PDHA1: variants seen among roughly 807,000 people sequenced by gnomAD.
PDHA1 encodes pyruvate dehydrogenase E1 subunit alpha 1, also known as pyruvate dehydrogenase E1 component subunit alpha, somatic form, mitochondrial.
A neutral mutation model predicts 33.0 loss-of-function variants in PDHA1; 1 was observed. The observed-to-expected ratio is 0.03, with a 90% confidence interval of 0.01 to 0.14. The LOEUF (loss-of-function observed/expected upper bound fraction) is 0.14, where lower values mean the gene tolerates loss of function less well. PDHA1 is among the 10% of genes least tolerant of loss of function. PDHA1 has a pLI of 1.00. For synonymous variants in PDHA1, 123 were observed against 119.2 expected, an observed-to-expected ratio of 1.03 and a Z score of -0.21; for missense variants, 168 against 325.1, an observed-to-expected ratio of 0.52 and a Z score of 3.72.
At chrX:19,351,484 G>C in intron 4 of PDHA1, 77 bp downstream of exon 4, 1 of 879,865 alleles carries the variant, frequency 1.1e-6, no homozygotes. Flanking sequence ...GCTATTATGA[G>C]TTAATATTTG....
At chrX:19,353,988 G>A (rs973538449) in intron 5 of PDHA1, among the ~76,000 whole-genome samples, 5 of 110,532 alleles carry the variant, frequency 4.5e-5, no homozygotes, top group Admixed American at 2.9e-4. Flanking sequence ...TTGCTCAGCC[G>A]CCCAGGCTGG....
rs1404016169 is a variant in PDHA1 at position 19,360,814 on chromosome X, G to A, written c.*1161G>A. On this transcript the variant is annotated 3_prime_UTR_variant, in exon 11 of 11. Coordinates refer to ENST00000422285, the MANE Select transcript of PDHA1 (RefSeq NM_000284.4). The stretch of plus-strand genomic sequence containing the variant: ...CTGTACTGGGAGACCGCACTCCAGA[G>A]TCTGCAGAGGAGACCACCCCTGGGA... 4.7e-5 allele frequency: 56 copies of A among 1,203,524 alleles called. No homozygotes were observed. Among genetic ancestry groups the A allele is most frequent in the Admixed American group, 6.8e-5 (3 of 44,405 alleles).
rs375095104 is a variant in PDHA1 at position 19,361,624 on chromosome X, G to T, written c.*1971G>T. 23 of 1,011,655 alleles carry T rather than the reference G, an allele frequency of 2.3e-5. No homozygotes were observed. Among genetic ancestry groups the T allele is most frequent in the Non-Finnish European group, 3.2e-5 (23 of 724,774 alleles). The allele number at this position is 1,011,655 out of a possible 1,213,427, so 83.4% of individuals were successfully genotyped here. ...ACGATTGGCAATTTGTTATATATTA[G>T]TCTAACCATAAAACTCTTCAAAAGT... is the stretch of plus-strand genomic sequence containing the variant. On this transcript the variant is annotated 3_prime_UTR_variant, in exon 11 of 11. Transcript: ENST00000422285.
Position 19,361,317 on chromosome X carries a change from CA to C in PDHA1, c.*1667del, listed in dbSNP as rs869305616. 8.6e-7 allele frequency: 1 copy of C among 1,161,482 alleles called. No individual in the cohort carries two copies. Among genetic ancestry groups the C allele is most frequent in the Non-Finnish European group, 1.2e-6 (1 of 854,730 alleles). On this transcript the variant is annotated 3_prime_UTR_variant, in exon 11 of 11. Coordinates refer to ENST00000422285, the MANE Select transcript of PDHA1 (RefSeq NM_000284.4). ...ACATAAAAAGTTGTATTCTCTTATA[CA>C]AACTGTTTTGAGGCTCTTACCGTAG...
intron 5 of PDHA1, among the ~76,000 whole-genome samples, chrX:19,353,588 T>C (rs763873165): frequency 1.8e-5 from 2 of 111,704 alleles, no homozygotes; most frequent in Admixed American, 9.5e-5. Flanking sequence ...TCTGAGAATA[T>C]ATCCCTGTTG....
chrX:19,345,566 G>A (rs898980073), intron 1 of PDHA1, among the ~76,000 whole-genome samples: 12 of 54,413 alleles, frequency 2.2e-4, no homozygotes, highest in African/African-American at 3.3e-4. Context: ...GCAAGACTCC[G>A]TATTTTAAAA....
intron 1 of PDHA1, among the ~76,000 whole-genome samples, chrX:19,348,465 T>A (rs1413294736): frequency 8.9e-6 from 1 of 112,876 alleles, no homozygotes; most frequent in African/African-American, 3.2e-5. Context: ...GTGCTAAGTA[T>A]CTTTTCTTTT....
Position 19,361,190 on chromosome X carries a change from G to T in PDHA1, c.*1537G>T. ...ATTTCTGACTTCTGCCTGGCTTTCA[G>T]TTTCTGCCCCACCTTGGCTTTTTCC... On this transcript the variant is annotated 3_prime_UTR_variant, in exon 11 of 11. Transcript: ENST00000422285. 2.1e-6 allele frequency: 1 copy of T among 470,612 alleles called. No individual in the cohort carries two copies. Among genetic ancestry groups the T allele is most frequent in the Non-Finnish European group, 3.6e-6 (1 of 279,003 alleles). 38.8% of individuals were successfully genotyped at this position (470,612 alleles called of 1,213,427 possible).
At chrX:19,355,850 C>A (rs1229015846) in intron 8 of PDHA1, 93 bp downstream of exon 8, 1 of 657,759 alleles carries the variant, frequency 1.5e-6, no homozygotes, top group African/African-American at 2.2e-5. Context: ...TAGTGGGTAC[C>A]TGCTAATTGA....
chrX:19,358,546 G>A (rs2063223169), intron 9 of PDHA1, among the ~76,000 whole-genome samples: 1 of 111,434 alleles, frequency 9.0e-6, no homozygotes, highest in African/African-American at 3.3e-5. Context: ...GTAGTATACA[G>A]GAGCCCAAAT....
In PDHA1 at chrX:19,351,305, G is replaced by A; in HGVS notation, c.316G>A (p.Ala106Thr). 1 of 1,205,904 alleles carries A rather than the reference G, an allele frequency of 8.3e-7. No homozygotes were observed. The highest frequency in any genetic ancestry group is 1.1e-6 in the Non-Finnish European group (1 of 890,187). ...GGAAGCTTGCTGTGTGGGCCTGGAG[G>A]CCGGCATCAACCCCACAGACCATCT... ...GQEACCVGLE[A>T]GINPTDHLIT... Residue 106 changes from alanine (A) to threonine (T), a missense_variant, in exon 4 of 11, where the codon GCC (alanine) becomes ACC (threonine). Physicochemically the swap from Ala to Thr is moderately conservative, Grantham distance 58 (BLOSUM62 0). Around this residue, in one of 5 missense-constraint regions of PDHA1, gnomAD observed 35 missense variants for 148.5 expected, o/e 0.24. Coordinates refer to ENST00000422285, the MANE Select transcript of PDHA1 (RefSeq NM_000284.4).
intron 1 of PDHA1, 84 bp downstream of exon 1, chrX:19,344,178 C>A: frequency 1.1e-6 from 1 of 889,923 alleles, no homozygotes; most frequent in Non-Finnish European, 1.6e-6. Context: ...GCCGGGCCAC[C>A]CAGAGCGGGG....
At position 19,344,013 on chromosome X, in the gene PDHA1, C is replaced by T. The variant is rs2063113983; in HGVS notation, c.-25C>T. On this transcript the variant is annotated 5_prime_UTR_variant, in exon 1 of 11. Coordinates refer to ENST00000422285, the MANE Select transcript of PDHA1 (RefSeq NM_000284.4). ...GTGCCTCCTGGGTTGTGAGGAGTCG[C>T]CGCTGCCGCCACTGCCTGTGCTTCA... is the stretch of plus-strand genomic sequence containing the variant. 2 of 1,204,312 alleles carry T rather than the reference C, an allele frequency of 1.7e-6. No homozygotes were observed. Among genetic ancestry groups the T allele is most frequent in the Non-Finnish European group, 2.2e-6 (2 of 891,182 alleles).
Position 19,359,649 on chromosome X carries a change from G to C in PDHA1, c.1169G>C (p.Ser390Thr). 8.3e-7 allele frequency: 1 copy of C among 1,208,127 alleles called. No individual in the cohort carries two copies. ...ANQWIKFKSVS is the reference protein window; with the variant it reads ...ANQWIKFKSVT Reference sequence around the variant, plus strand: ...CAGTGGATCAAGTTTAAGTCAGTCAGTTAAGGGGAGGAGAAGGAGAGGTTA... The same window carrying C: ...CAGTGGATCAAGTTTAAGTCAGTCACTTAAGGGGAGGAGAAGGAGAGGTTA... Residue 390 changes from serine to threonine, a missense_variant, in exon 11 of 11, where the codon AGT (serine) becomes ACT (threonine). Coordinates refer to ENST00000422285, the MANE Select transcript of PDHA1 (RefSeq NM_000284.4).
At position 19,360,608 on chromosome X, in the gene PDHA1, TA is replaced by T. The variant is rs1231424477; in HGVS notation, c.*959del. On this transcript the variant is annotated 3_prime_UTR_variant, in exon 11 of 11. Coordinates refer to ENST00000422285, the MANE Select transcript of PDHA1 (RefSeq NM_000284.4). ...TTCAAAAGAAACTCAGGACAGTATT[TA>T]AAACAAGTTCTTAAACTATTAATTG... 4.2e-6 allele frequency: 2 copies of T among 473,948 alleles called. No homozygotes were observed. The highest frequency in any genetic ancestry group is 4.0e-5 in the Admixed American group (1 of 25,283). 39.1% of individuals were successfully genotyped at this position (473,948 alleles called of 1,213,427 possible).
In PDHA1 at chrX:19,360,081, C is replaced by G. The variant is rs983752668; in HGVS notation, c.*428C>G. The G allele has an allele frequency of 5.4e-6, 1 of 183,856 alleles. No individual in the cohort carries two copies. Among genetic ancestry groups the G allele is most frequent in the Middle Eastern group, 2.1e-3 (1 of 482 alleles). 15.2% of individuals were successfully genotyped at this position (183,856 alleles called of 1,213,427 possible). A position where few individuals can be genotyped will look rare whatever the true frequency, so the allele number is the denominator to read the frequency against. ...CTCTACAAGATACAATATTTATTATCAGGCAAGAGGACAGTTCCATTTTAA... is the reference window on the plus strand; with the variant it reads ...CTCTACAAGATACAATATTTATTATGAGGCAAGAGGACAGTTCCATTTTAA... On this transcript the variant is annotated 3_prime_UTR_variant, in exon 11 of 11. Transcript: ENST00000422285.
chrX:19,346,627 G>GGGA, intron 1 of PDHA1: 1 of 953,199 alleles, frequency 1.0e-6, no homozygotes, highest in Non-Finnish European at 1.3e-6. Context: ...CAGGCAGGTA[G>GGGA]GGAGATTTAT....
chrX:19,359,674 A>G lies in PDHA1; in HGVS notation c.*21A>G, dbSNP rs2063249650. The G allele has an allele frequency of 8.5e-7, 1 of 1,181,656 alleles. No individual in the cohort carries two copies. Among genetic ancestry groups the G allele is most frequent in the African/African-American group, 1.8e-5 (1 of 56,461 alleles). Reference sequence around the variant, plus strand: ...GTTAAGGGGAGGAGAAGGAGAGGTTATACCTTCAGGGGGCTACCAGACAGT... The same window carrying G: ...GTTAAGGGGAGGAGAAGGAGAGGTTGTACCTTCAGGGGGCTACCAGACAGT... On this transcript the variant is annotated 3_prime_UTR_variant, in exon 11 of 11. Coordinates refer to ENST00000422285, the MANE Select transcript of PDHA1 (RefSeq NM_000284.4).
rs776800732 is a variant in PDHA1, at chrX:19,360,830, A to G, written c.*1177A>G. ...CACTCCAGAGTCTGCAGAGGAGACC[A>G]CCCCTGGGAAACAAACACAGCTGTC... On this transcript the variant is annotated 3_prime_UTR_variant, in exon 11 of 11. Coordinates refer to ENST00000422285, the MANE Select transcript of PDHA1 (RefSeq NM_000284.4). 4.2e-6 allele frequency: 5 copies of G among 1,196,784 alleles called. No homozygotes were observed. The Admixed American group carries it at 1.2e-4, about 28-fold the overall frequency.
Sources: allele counts gnomAD v4.1 joint callset (sites outside exome capture counted in the v4.1 genomes callset), GRCh38; gene constraint gnomAD v4.1.1; regional missense constraint gnomAD v4.1.1; transcripts MANE v1.5; gene names NCBI Gene and HGNC (gene_info 2026-07-23, HGNC 2026-07-21).